TENM4: variants seen among roughly 807,000 people sequenced by gnomAD.
TENM4 encodes the protein teneurin-4.
Under a neutral mutation model 243.3 loss-of-function variants are expected in TENM4, and 82 were observed. That is an observed-to-expected ratio of 0.34 (90% CI 0.28 to 0.40). The LOEUF (loss-of-function observed/expected upper bound fraction) is 0.40. Among genes scored for constraint, TENM4 ranks in the 10% least tolerant of loss-of-function variants. TENM4 has a pLI of 1.00. For synonymous variants in TENM4, 1,412 were observed against 1,456.3 expected (o/e 0.97, Z 0.69); for missense variants, 3,138 against 3,673.3 (o/e 0.85, Z 3.77).
chr11:79,430,797 C>A (rs950846347), intron 1 of TENM4, among the ~76,000 whole-genome samples: 1 of 152,166 alleles, frequency 6.6e-6, no homozygotes, highest in Non-Finnish European at 1.5e-5. Context: ...ATGTCTTCTG[C>A]AATACCCCAT....
intron 4 of TENM4, among the ~76,000 whole-genome samples, chr11:79,085,751 C>T (rs1860796983): frequency 6.6e-6 from 1 of 152,136 alleles, no homozygotes; most frequent in African/African-American, 2.4e-5. Context: ...TAATGTAAAA[C>T]ACCAAGGTTG....
At chr11:78,821,403 A>G (rs1857729471) in intron 12 of TENM4, among the ~76,000 whole-genome samples, 1 of 152,258 alleles carries the variant, frequency 6.6e-6, no homozygotes. Context: ...TAGAGGAAAG[A>G]GGTCAGAGAA....
intron 5 of TENM4, among the ~76,000 whole-genome samples, chr11:79,068,836 G>A (rs1317462493): frequency 2.0e-5 from 3 of 152,194 alleles, no homozygotes; most frequent in African/African-American, 7.2e-5. Context: ...GAGTGGTGGA[G>A]TGTGGAGAGT....
chr11:78,722,842 T>C lies in TENM4; in HGVS notation c.3626A>G (p.Asn1209Ser). Residue 1209 changes from asparagine to serine, a missense_variant, in exon 24 of 34, where the codon AAT becomes AGT. Physicochemically the swap from Asn to Ser is conservative, Grantham distance 46. This residue lies in a region of TENM4 where 2,467 missense variants were observed against 3,059.1 expected (regional missense o/e 0.81). Coordinates refer to ENST00000278550, the MANE Select transcript of TENM4 (RefSeq NM_001098816.3). Reference protein sequence around the residue: ...QPPVIGSIMGNGRRRSISCPS... With the variant: ...QPPVIGSIMGSGRRRSISCPS... ...GCAGGAGATGCTTCTCCGGCGCCCA[T>C]TGCCCATGATGCTCCCAATGACAGG... 1.2e-6 allele frequency: 2 copies of C among 1,614,038 alleles called. No homozygotes were observed. Among genetic ancestry groups the C allele is most frequent in the Middle Eastern group, 1.6e-4 (1 of 6,062 alleles).
chr11:79,196,215 C>A (rs577178639), intron 3 of TENM4, among the ~76,000 whole-genome samples: 1 of 152,154 alleles, frequency 6.6e-6, no homozygotes, highest in African/African-American at 2.4e-5. Flanking sequence ...CAGACTAATG[C>A]AAGAGGGCAT....
chr11:78,687,324 G>A (rs747787125), intron 29 of TENM4, among the ~76,000 whole-genome samples: 4 of 152,180 alleles, frequency 2.6e-5, no homozygotes, highest in Admixed American at 6.5e-5. Flanking sequence ...TTGGGCTTCT[G>A]ACTCTTACCC....
At chr11:79,227,584 G>A (rs893782354) in intron 2 of TENM4, among the ~76,000 whole-genome samples, 23 of 152,210 alleles carry the variant, frequency 1.5e-4, no homozygotes, top group Admixed American at 1.2e-3. Context: ...AGAGTGATAG[G>A]TGGGGCCACT....
At chr11:78,744,679 TA>T (rs1384905928) in intron 19 of TENM4, among the ~76,000 whole-genome samples, 1 of 152,252 alleles carries the variant, frequency 6.6e-6, no homozygotes, top group Non-Finnish European at 1.5e-5. Context: ...GCCCTTTCTG[TA>T]AACATTTTTG....
intron 4 of TENM4, among the ~76,000 whole-genome samples, chr11:79,121,589 G>T (rs1861746597): frequency 6.6e-6 from 1 of 152,168 alleles, no homozygotes; most frequent in South Asian, 2.1e-4. Flanking sequence ...GCATCTCACA[G>T]TTGCACAGCC....
intron 28 of TENM4, among the ~76,000 whole-genome samples, chr11:78,699,709 A>G (rs1859059402): frequency 6.6e-6 from 1 of 152,206 alleles, no homozygotes; most frequent in South Asian, 2.1e-4. Context: ...TATTTCATCA[A>G]GGAAAGAAAG....
chr11:79,366,938 C>T (rs953743609), intron 1 of TENM4, among the ~76,000 whole-genome samples: 4 of 152,218 alleles, frequency 2.6e-5, no homozygotes, highest in Non-Finnish European at 5.9e-5. Context: ...CACCCATTCA[C>T]AGCTCCCATT....
chr11:79,057,491 C>T (rs968645902), intron 6 of TENM4, among the ~76,000 whole-genome samples: 4 of 152,210 alleles, frequency 2.6e-5, no homozygotes, highest in African/African-American at 9.7e-5. Context: ...TCTCTGGCTA[C>T]CATCTTTACA....
chr11:78,732,303 G>T lies in TENM4; in HGVS notation c.3138+13C>A. The T allele has an allele frequency of 6.3e-7, 1 of 1,583,976 alleles. No individual in the cohort carries two copies. Among genetic ancestry groups the T allele is most frequent in the South Asian group, 1.1e-5 (1 of 87,802 alleles). Reference sequence around the variant, plus strand: ...TAAAAGCATGGTGGAATGCAATTAGGAAAGCTGGGTACCTGAATTTCCGGC... The same window carrying T: ...TAAAAGCATGGTGGAATGCAATTAGTAAAGCTGGGTACCTGAATTTCCGGC... On this transcript the variant is annotated intron_variant, in intron 21 of 33. Transcript: ENST00000278550.
At chr11:78,937,141 A>C (rs183721758) in intron 6 of TENM4, among the ~76,000 whole-genome samples, 1 of 152,072 alleles carries the variant, frequency 6.6e-6, no homozygotes, top group Non-Finnish European at 1.5e-5. Context: ...CCTTCTGTGC[A>C]TGGGGAAGGG....
intron 3 of TENM4, among the ~76,000 whole-genome samples, chr11:79,176,814 A>T (rs1340491754): frequency 6.6e-6 from 1 of 152,246 alleles, no homozygotes; most frequent in Non-Finnish European, 1.5e-5. Context: ...CATTTTATTC[A>T]GGAAGAGAAA....
At chr11:78,988,502 A>G (rs114993658) in intron 6 of TENM4, among the ~76,000 whole-genome samples, 2,028 of 152,334 alleles carry the variant, frequency 0.013, 55 homozygotes, top group African/African-American at 0.046. Flanking sequence ...TTTGAATTCA[A>G]TGGTAAGCAG....
chr11:79,136,170 C>T lies in TENM4; in HGVS notation c.-66+12540G>A, dbSNP rs191686220. Reference sequence around the variant, plus strand: ...TCATGTAACCAAATACTAGCTGTACCCCAATAACTTATTGAAATATAATAA... The same window carrying T: ...TCATGTAACCAAATACTAGCTGTACTCCAATAACTTATTGAAATATAATAA... On this transcript the variant is annotated intron_variant, in intron 4 of 33. Coordinates refer to ENST00000278550, the MANE Select transcript of TENM4 (RefSeq NM_001098816.3). 4.0e-3 allele frequency among the ~76,000 whole-genome samples: 606 copies of T among 151,992 alleles called. 5 individuals carry two copies. The highest frequency in any genetic ancestry group is 0.014 in the African/African-American group (580 of 41,444).
At chr11:78,922,119 A>G (rs191569623) in intron 6 of TENM4, among the ~76,000 whole-genome samples, 42 of 152,350 alleles carry the variant, frequency 2.8e-4, no homozygotes, top group South Asian at 1.9e-3. Context: ...ATAAATGCCT[A>G]TCAGATGTCC....
chr11:78,982,301 C>T (rs1430177325), intron 6 of TENM4, among the ~76,000 whole-genome samples: 1 of 152,180 alleles, frequency 6.6e-6, no homozygotes, highest in Admixed American at 6.5e-5. Context: ...AGATACAATA[C>T]ATGCTTGGAG....
Sources: gnomAD v4.1 joint callset for allele counts (sites outside exome capture counted in the v4.1 genomes callset) on GRCh38, gnomAD v4.1.1 for gene constraint, gnomAD v4.1.1 regional missense constraint, MANE v1.5 for transcripts, NCBI Gene and HGNC (gene_info 2026-07-23, HGNC 2026-07-21) for gene names.